The following BTBD9 variants were observed in gnomAD, a reference collection of about 807,000 sequenced individuals.
The protein encoded by BTBD9 is BTB/POZ domain-containing protein 9.
Under a neutral mutation model 64.3 loss-of-function variants are expected in BTBD9, and 49 were observed. The ratio of observed to expected loss-of-function variants is 0.76; its 90% CI spans 0.61 to 0.97. The LOEUF (loss-of-function observed/expected upper bound fraction) is 0.97, where lower values mean the gene tolerates loss of function less well. Ranked by LOEUF, BTBD9 falls within the 50% of genes least tolerant of loss-of-function variation. BTBD9 has a pLI of 0.00. For missense variants in BTBD9, 598 were observed against 762.1 expected, an observed-to-expected ratio of 0.78 and a Z score of 2.53; for synonymous variants, 260 against 274.7, an observed-to-expected ratio of 0.95 and a Z score of 0.53.
chr6:38,527,872 C>T (rs1014360054), intron 6 of BTBD9, among the ~76,000 whole-genome samples: 10 of 151,354 alleles, frequency 6.6e-5, no homozygotes, highest in Admixed American at 2.6e-4. Flanking sequence ...ATAAGACAGC[C>T]GAACAGAATC....
chr6:38,466,490 A>C (rs1287773182), intron 6 of BTBD9, among the ~76,000 whole-genome samples: 3 of 151,570 alleles, frequency 2.0e-5, no homozygotes, highest in Admixed American at 2.0e-4. Flanking sequence ...ACGGGGTTTC[A>C]CCTTGTTGGC....
Position 38,174,842 on chromosome 6 carries a change from C to T in BTBD9, c.*143G>A, listed in dbSNP as rs540621235. Reference sequence around the variant, plus strand: ...TTCTGTCCTTGGGAGAAAACCTGTTCGGTGTCTGCTTTTGCAGCTAGGTCG... The same window carrying T: ...TTCTGTCCTTGGGAGAAAACCTGTTTGGTGTCTGCTTTTGCAGCTAGGTCG... On this transcript the variant is annotated 3_prime_UTR_variant, in exon 11 of 11. Coordinates refer to ENST00000481247, the MANE Select transcript of BTBD9 (RefSeq NM_001099272.2). The T allele has an allele frequency of 4.8e-5, 44 of 925,866 alleles. No homozygotes were observed. Among genetic ancestry groups the T allele is most frequent in the Admixed American group, 1.6e-4 (7 of 42,954 alleles). The allele number at this position is 925,866 out of a possible 1,614,324, so 57.4% of individuals were successfully genotyped here.
At chr6:38,377,532 G>A (rs549573643) in intron 6 of BTBD9, among the ~76,000 whole-genome samples, 11 of 152,224 alleles carry the variant, frequency 7.2e-5, no homozygotes, top group Admixed American at 2.6e-4. Flanking sequence ...TTTACTGTGC[G>A]TTTCACTCTT....
chr6:38,461,217 A>G (rs957359388), intron 6 of BTBD9, among the ~76,000 whole-genome samples: 11 of 152,200 alleles, frequency 7.2e-5, no homozygotes, highest in Admixed American at 2.6e-4. Context: ...GAGATGAACA[A>G]TTTGTTAATT....
intron 7 of BTBD9, among the ~76,000 whole-genome samples, chr6:38,308,492 G>A (rs1762706875): frequency 6.6e-6 from 1 of 152,246 alleles, no homozygotes; most frequent in African/African-American, 2.4e-5. Flanking sequence ...AATATAAAGG[G>A]CATCTTTTTC....
intron 7 of BTBD9, among the ~76,000 whole-genome samples, chr6:38,320,861 C>T (rs908364688): frequency 6.6e-6 from 1 of 152,100 alleles, no homozygotes; most frequent in Admixed American, 6.5e-5. Context: ...GGGGACAAGC[C>T]ACCTTTAAGG....
chr6:38,295,355 G>A (rs1176626513), intron 7 of BTBD9, among the ~76,000 whole-genome samples: 1 of 151,674 alleles, frequency 6.6e-6, no homozygotes, highest in Admixed American at 6.6e-5. Flanking sequence ...TTATAGAGAC[G>A]AGGTCCCATT....
chr6:38,478,210 A>G (rs1484888500), intron 6 of BTBD9, among the ~76,000 whole-genome samples: 1 of 152,176 alleles, frequency 6.6e-6, no homozygotes, highest in African/African-American at 2.4e-5. Context: ...ACGTGCGTAT[A>G]TATGTGAGGA....
At chr6:38,555,046 C>T (rs2748153) in intron 6 of BTBD9, among the ~76,000 whole-genome samples, 11,066 of 152,220 alleles carry the variant, frequency 0.073, 909 homozygotes, top group African/African-American at 0.2. Context: ...CCTCCAGTAC[C>T]CCCAAACTGG....
chr6:38,447,468 C>T (rs574096300), intron 6 of BTBD9, among the ~76,000 whole-genome samples: 8 of 152,228 alleles, frequency 5.3e-5, no homozygotes, highest in South Asian at 4.2e-4. Flanking sequence ...TCATGTAAAG[C>T]GCACTGACAT....
intron 8 of BTBD9, among the ~76,000 whole-genome samples, chr6:38,257,989 G>GTA (rs1204909468): frequency 7.3e-5 from 11 of 151,436 alleles, no homozygotes; most frequent in Non-Finnish European, 1.3e-4. Flanking sequence ...AAATATATAT[G>GTA]TATATATATA....
chr6:38,610,143 T>C (rs1777563919), intron 1 of BTBD9, among the ~76,000 whole-genome samples: 1 of 152,226 alleles, frequency 6.6e-6, no homozygotes, highest in South Asian at 2.1e-4. Context: ...TTGACAAATA[T>C]AAAGCCATCA....
intron 1 of BTBD9, among the ~76,000 whole-genome samples, chr6:38,636,333 A>C (rs1446582191): frequency 6.6e-6 from 1 of 152,126 alleles, no homozygotes; most frequent in Non-Finnish European, 1.5e-5. Flanking sequence ...CTATATTACA[A>C]TTGTCCCTAA....
chr6:38,430,780 G>A (rs79133082), intron 6 of BTBD9, among the ~76,000 whole-genome samples: 153 of 151,964 alleles, frequency 1.0e-3, no homozygotes, highest in Non-Finnish European at 1.6e-3. Context: ...CTTCCAAAGC[G>A]CTGGGATTAC....
intron 6 of BTBD9, among the ~76,000 whole-genome samples, chr6:38,391,974 A>G (rs1766438483): frequency 6.6e-6 from 1 of 152,188 alleles, no homozygotes; most frequent in East Asian, 1.9e-4. Context: ...CAGGCAGTCT[A>G]TTTGTGGGGC....
chr6:38,341,758 GAC>G (rs952858542), intron 7 of BTBD9, among the ~76,000 whole-genome samples: 1 of 152,202 alleles, frequency 6.6e-6, no homozygotes, highest in Non-Finnish European at 1.5e-5. Context: ...ACACAGAGGA[GAC>G]AGTCATCACA....
rs577140559 is a variant in BTBD9, at chr6:38,384,610, A to C, written c.1155-39517T>G. ...AACTAGTATTTCCTAAGAGTCACATAATAAGGAAAACCACAGTGCTTTCAG... is the reference window on the plus strand; with the variant it reads ...AACTAGTATTTCCTAAGAGTCACATCATAAGGAAAACCACAGTGCTTTCAG... On this transcript the variant is annotated intron_variant, in intron 6 of 10. Transcript: ENST00000481247. Among the ~76,000 whole-genome samples, 33 of 152,336 alleles carry C rather than the reference A, an allele frequency of 2.2e-4. No homozygotes were observed. The South Asian group carries it at 6.6e-3, about 31-fold the overall frequency.
chr6:38,434,571 T>C lies in BTBD9; in HGVS notation c.1155-89478A>G, dbSNP rs142952928. On this transcript the variant is annotated intron_variant, in intron 6 of 10. Transcript: ENST00000481247. ...AAAACCAAACTGCACCTCAACCACC[T>C]TGGGCACATGTTGTCAGGGTCTCCT... Among the ~76,000 whole-genome samples, 76 of 152,060 alleles carry C rather than the reference T, an allele frequency of 5.0e-4. 1 individual carries two copies. The highest frequency in any genetic ancestry group is 9.4e-4 in the Non-Finnish European group (64 of 68,030).
chr6:38,192,987 A>G (rs1762145760), intron 9 of BTBD9, among the ~76,000 whole-genome samples: 1 of 152,096 alleles, frequency 6.6e-6, no homozygotes, highest in African/African-American at 2.4e-5. Context: ...GCACACCAGC[A>G]TGGCACATGT....
Sources: gnomAD v4.1 joint callset for allele counts (sites outside exome capture counted in the v4.1 genomes callset) on GRCh38, gnomAD v4.1.1 for gene constraint, MANE v1.5 for transcripts, NCBI Gene and HGNC (gene_info 2026-07-23, HGNC 2026-07-21) for gene names.